RBFOX1: variants seen among roughly 807,000 people sequenced by gnomAD.
RBFOX1 encodes RNA binding protein fox-1 homolog 1.
Under a neutral mutation model 57.7 loss-of-function variants are expected in RBFOX1, and 8 were observed. The observed-to-expected ratio is 0.14, with a 90% CI of 0.08 to 0.25. The LOEUF (loss-of-function observed/expected upper bound fraction) is 0.25, where lower values mean the gene tolerates loss of function less well. Among genes scored for constraint, RBFOX1 ranks in the 10% least tolerant of loss-of-function variants. The pLI is 1.00. For missense variants in RBFOX1, 611 were observed against 548.5 expected, an observed-to-expected ratio of 1.11 and a Z score of -1.14; for synonymous variants, 326 against 222.4, an observed-to-expected ratio of 1.47 and a Z score of -4.15.
chr16:5,578,982 G>A (rs1024227753), intron 2 of RBFOX1, among the ~76,000 whole-genome samples: 1 of 151,574 alleles, frequency 6.6e-6, no homozygotes, highest in Admixed American at 6.6e-5. Context: ...TGAGTAGCTG[G>A]GACTACAGGC....
intron 3 of RBFOX1, among the ~76,000 whole-genome samples, chr16:6,681,042 G>C (rs1231467508): frequency 2.0e-5 from 3 of 152,152 alleles, no homozygotes; most frequent in Non-Finnish European, 4.4e-5. Context: ...TGGGCATGAT[G>C]GCTCACACCC....
intron 4 of RBFOX1, among the ~76,000 whole-genome samples, chr16:7,097,366 G>C (rs924870926): frequency 6.6e-6 from 1 of 152,044 alleles, no homozygotes; most frequent in South Asian, 2.1e-4. Flanking sequence ...TCAGAGCCTG[G>C]TAGATTAGAG....
At chr16:7,333,000 G>A (rs745333470) in intron 4 of RBFOX1, 21 of 1,613,496 alleles carry the variant, frequency 1.3e-5, no homozygotes, top group Middle Eastern at 1.7e-4. Context: ...TCTACGTAAA[G>A]CATGCTGGCG....
intron 3 of RBFOX1, among the ~76,000 whole-genome samples, chr16:5,635,008 T>C (rs2048635692): frequency 6.6e-6 from 1 of 152,172 alleles, no homozygotes; most frequent in African/African-American, 2.4e-5. Context: ...GACTGGGTCA[T>C]GTGATCAGGG....
chr16:6,642,097 C>G (rs917225263), intron 2 of RBFOX1, among the ~76,000 whole-genome samples: 1 of 152,116 alleles, frequency 6.6e-6, no homozygotes, highest in Non-Finnish European at 1.5e-5. Context: ...GTTTTAGGTG[C>G]TGGGGTCTGA....
chr16:6,706,121 G>T (rs1365060119), intron 3 of RBFOX1, among the ~76,000 whole-genome samples: 2 of 152,142 alleles, frequency 1.3e-5, no homozygotes, highest in African/African-American at 4.8e-5. Flanking sequence ...GGCTGGCTTT[G>T]TACAGGCATT....
At chr16:5,804,093 C>A (rs772207083) in intron 3 of RBFOX1, among the ~76,000 whole-genome samples, 13 of 152,318 alleles carry the variant, frequency 8.5e-5, no homozygotes, top group Middle Eastern at 3.4e-3. Context: ...TACATGTCTG[C>A]CTCCCTCTCT....
chr16:5,932,871 T>C (rs943983300), intron 4 of RBFOX1, among the ~76,000 whole-genome samples: 1 of 152,154 alleles, frequency 6.6e-6, no homozygotes, highest in African/African-American at 2.4e-5. Flanking sequence ...TCCCATATGG[T>C]TGTGGCATTG....
intron 3 of RBFOX1, among the ~76,000 whole-genome samples, chr16:6,820,165 A>C (rs1419088659): frequency 1.3e-5 from 2 of 152,166 alleles, no homozygotes; most frequent in African/African-American, 4.8e-5. Context: ...CATATAAGAC[A>C]TACCTTTGCT....
At chr16:5,697,880 G>T (rs2050899545) in intron 3 of RBFOX1, among the ~76,000 whole-genome samples, 1 of 152,032 alleles carries the variant, frequency 6.6e-6, no homozygotes, top group Non-Finnish European at 1.5e-5. Flanking sequence ...AATAGTCTTT[G>T]GTAGATAACC....
chr16:5,433,431 CTGTT>C (rs1222311970), intron 1 of RBFOX1, among the ~76,000 whole-genome samples: 4 of 152,102 alleles, frequency 2.6e-5, no homozygotes, highest in Non-Finnish European at 4.4e-5. Flanking sequence ...TAGCTCAAGA[CTGTT>C]TGAGTGGCAA....
At chr16:6,430,492 A>T (rs144637900) in intron 2 of RBFOX1, among the ~76,000 whole-genome samples, 59 of 152,280 alleles carry the variant, frequency 3.9e-4, no homozygotes, top group African/African-American at 1.3e-3. Flanking sequence ...AGGCAAACTC[A>T]AGTGGAGTTG....
At chr16:7,225,531 G>T (rs932301530) in intron 4 of RBFOX1, among the ~76,000 whole-genome samples, 2 of 151,752 alleles carry the variant, frequency 1.3e-5, no homozygotes, top group Non-Finnish European at 2.9e-5. Context: ...TAAATTACCA[G>T]TCTCAAGTAT....
At chr16:6,926,969 C>T (rs55693519) in intron 3 of RBFOX1, among the ~76,000 whole-genome samples, 1 of 151,908 alleles carries the variant, frequency 6.6e-6, no homozygotes, top group African/African-American at 2.4e-5. Flanking sequence ...TTACTCAGGC[C>T]TCTGCCAGCT....
chr16:6,995,334 G>A (rs1056386609), intron 3 of RBFOX1, among the ~76,000 whole-genome samples: 1 of 149,352 alleles, frequency 6.7e-6, no homozygotes, highest in Non-Finnish European at 1.5e-5. Context: ...GTGTGTGTTA[G>A]AAGTGGTGAT....
At position 5,611,781 on chromosome 16, in the gene RBFOX1, TCC is replaced by T. The variant is rs1467538528; in HGVS notation, c.318+12821_318+12822del. Among the ~76,000 whole-genome samples, 425 of 123,908 alleles carry T rather than the reference TCC, an allele frequency of 3.4e-3. 3 individuals are homozygous for T. Among genetic ancestry groups the T allele is most frequent in the East Asian group, 9.0e-3 (32 of 3,564 alleles). 81.3% of individuals were successfully genotyped at this position (123,908 alleles called of 152,430 possible). On this transcript the variant is annotated intron_variant, in intron 3 of 19. Coordinates refer to the RBFOX1 transcript ENST00000641259. The stretch of plus-strand genomic sequence containing the variant: ...TTCTTTTCAGTCTCCCATCCATCCA[TCC>T]ATCCATCCATCCACCCACCCACCCA...
intron 6 of RBFOX1, among the ~76,000 whole-genome samples, chr16:7,580,862 A>G (rs1263330982): frequency 6.6e-6 from 1 of 152,228 alleles, no homozygotes; most frequent in African/African-American, 2.4e-5. Flanking sequence ...TTCAATGAAA[A>G]GAACTACATC....
chr16:7,094,102 C>T (rs756797540), intron 4 of RBFOX1, among the ~76,000 whole-genome samples: 2 of 150,748 alleles, frequency 1.3e-5, no homozygotes, highest in Non-Finnish European at 2.9e-5. Context: ...CCCTTCTCTT[C>T]TTCATTTTAC....
chr16:6,215,706 G>A (rs965332289), intron 1 of RBFOX1, among the ~76,000 whole-genome samples: 1 of 151,946 alleles, frequency 6.6e-6, no homozygotes, highest in African/African-American at 2.4e-5. Context: ...TTTATCCTGG[G>A]TGATGATCTG....
Sources: allele counts gnomAD v4.1 joint callset (sites outside exome capture counted in the v4.1 genomes callset), GRCh38; gene constraint gnomAD v4.1.1; transcripts MANE v1.5; gene names NCBI Gene and HGNC (gene_info 2026-07-23, HGNC 2026-07-21).